Variants in POU1F1 observed in about 807,000 individuals in gnomAD.
POU1F1 encodes POU class 1 homeobox 1.
POU1F1 carries 23 observed loss-of-function variants against 32.3 expected under a neutral mutation model. The ratio of observed to expected loss-of-function variants is 0.71; its 90% CI spans 0.51 to 1.01. The LOEUF is 1.01. POU1F1 is among the 50% of genes least tolerant of loss of function. The pLI, the probability that POU1F1 is intolerant of heterozygous loss-of-function variation, is 0.00. For missense variants in POU1F1, 323 were observed against 341.6 expected (o/e 0.95, Z 0.43); for synonymous variants, 120 against 115.6 (o/e 1.04, Z -0.25).
chr3:87,272,190 A>G (rs1706739776), intron 2 of POU1F1, among the ~76,000 whole-genome samples: 1 of 152,010 alleles, frequency 6.6e-6, no homozygotes, highest in Non-Finnish European at 1.5e-5. Context: ...TATCACACAC[A>G]TACACACACA....
Position 87,276,458 on chromosome 3 carries a change from C to G in POU1F1, c.5G>C (p.Ser2Thr). M[S>T]CQAFTSADTF... ...ATCAGCCGAAGTAAAAGCTTGGCAA[C>G]TCATTCCCACAAGAGAGTAGAAAAA... The change falls in exon 1 of 6, where the codon AGT (serine) becomes ACT (threonine). Residue 2 changes from serine to threonine, a missense_variant. Physicochemically the swap from Ser to Thr is moderately conservative, Grantham distance 58. Coordinates refer to ENST00000350375, the MANE Select transcript of POU1F1 (RefSeq NM_000306.4). 6.2e-7 allele frequency: 1 copy of G among 1,613,668 alleles called. No homozygotes were observed. Among genetic ancestry groups the G allele is most frequent in the Non-Finnish European group, 8.5e-7 (1 of 1,179,756 alleles).
rs1248905738 is a variant in POU1F1, at chr3:87,268,869, G to T, written c.215-4357C>A. On this transcript the variant is annotated intron_variant, in intron 2 of 5. Transcript: ENST00000350375. The stretch of plus-strand genomic sequence containing the variant: ...GTGTGACAGAGGAGAGAGAAGAACA[G>T]AGGTAAATCTTTTAAAGCAGGCAAT... 3.9e-5 allele frequency among the ~76,000 whole-genome samples: 6 copies of T among 152,292 alleles called. No individual in the cohort carries two copies. The East Asian group carries it at 1.2e-3, about 29-fold the overall frequency.
intron 2 of POU1F1, among the ~76,000 whole-genome samples, chr3:87,264,832 A>G (rs547385469): frequency 1.6e-4 from 24 of 152,268 alleles, no homozygotes; most frequent in African/African-American, 5.8e-4. Context: ...TTTCTCTTAA[A>G]TGACACCTAT....
At chr3:87,266,131 T>C (rs898158581) in intron 2 of POU1F1, among the ~76,000 whole-genome samples, 1 of 149,574 alleles carries the variant, frequency 6.7e-6, no homozygotes, top group African/African-American at 2.4e-5. Context: ...AATATATCAA[T>C]ATATAATGAG....
At chr3:87,268,113 C>T (rs370523337) in intron 2 of POU1F1, among the ~76,000 whole-genome samples, 17 of 124,124 alleles carry the variant, frequency 1.4e-4, no homozygotes, top group African/African-American at 4.4e-4. Flanking sequence ...TTTGACACAG[C>T]GTCTCGCTCT....
chr3:87,262,928 T>A (rs1001703109), intron 3 of POU1F1, among the ~76,000 whole-genome samples: 16 of 152,244 alleles, frequency 1.1e-4, no homozygotes, highest in African/African-American at 3.8e-4. Context: ...AAAATGAATT[T>A]CACAAAGATT....
intron 1 of POU1F1, among the ~76,000 whole-genome samples, chr3:87,273,765 T>C (rs1706771816): frequency 2.0e-5 from 3 of 152,150 alleles, no homozygotes; most frequent in African/African-American, 7.2e-5. Context: ...CCTTGGCCCT[T>C]TGGGAGTTGC....
At position 87,276,578 on chromosome 3, in the gene POU1F1, A is replaced by G; in HGVS notation, c.-116T>C. On this transcript the variant is annotated 5_prime_UTR_variant, in exon 1 of 6. Coordinates refer to ENST00000350375, the MANE Select transcript of POU1F1 (RefSeq NM_000306.4). ...CACTACCTGCATATATACATCAGGA[A>G]GGCTCTGAGGCACCAGGAGGGTGCG... The G allele has an allele frequency of 8.2e-7, 1 of 1,226,688 alleles. No individual in the cohort carries two copies. Among genetic ancestry groups the G allele is most frequent in the Non-Finnish European group, 1.2e-6 (1 of 860,262 alleles). The allele number at this position is 1,226,688 out of a possible 1,614,324, so 76.0% of individuals were successfully genotyped here. A position where few individuals can be genotyped will look rare whatever the true frequency, so the allele number is the denominator to read the frequency against.
chr3:87,273,396 A>C lies in POU1F1; in HGVS notation c.165T>G (p.Val55=). Residue 55 remains valine, a synonymous_variant, in exon 2 of 6, where the codon GTT becomes GTG. Coordinates refer to ENST00000350375, the MANE Select transcript of POU1F1 (RefSeq NM_000306.4). ...GCTGGTTTCCATAATGACAGGAAGG[A>C]ACAGAATAATGAAGTCCTGTTGCTG... The part of the protein sequence containing the change: ...MSTATGLHYS[V]PSCHYGNQPS... 1 of 1,612,942 alleles carries C rather than the reference A, an allele frequency of 6.2e-7. No individual in the cohort carries two copies. Among genetic ancestry groups the C allele is most frequent in the Non-Finnish European group, 8.5e-7 (1 of 1,179,172 alleles).
intron 2 of POU1F1, among the ~76,000 whole-genome samples, chr3:87,265,834 G>C (rs7433116): frequency 0.83 from 126,718 of 151,760 alleles, 54,813 homozygotes; most frequent in Non-Finnish European, 0.94. Context: ...CTTGAGCATC[G>C]AAAGATTTTG....
At chr3:87,264,546 C>T (rs1706580909) in intron 2 of POU1F1, 34 bp from the exon 3 acceptor site, 1 of 1,474,446 alleles carries the variant, frequency 6.8e-7, no homozygotes, top group East Asian at 2.3e-5. Flanking sequence ...ATGAAAAAGA[C>T]CATTTGTCAT....
At chr3:87,263,888 A>G (rs920183785) in intron 3 of POU1F1, among the ~76,000 whole-genome samples, 2 of 152,004 alleles carry the variant, frequency 1.3e-5, no homozygotes, top group African/African-American at 2.4e-5. Flanking sequence ...TATATCCATG[A>G]GATATCATTG....
intron 2 of POU1F1, among the ~76,000 whole-genome samples, chr3:87,269,455 A>C (rs907356012): frequency 6.6e-6 from 1 of 152,180 alleles, no homozygotes; most frequent in Non-Finnish European, 1.5e-5. Flanking sequence ...GAAGCAAAAG[A>C]TCTTCAGAAT....
chr3:87,273,621 G>T, intron 1 of POU1F1: 1 of 911,912 alleles, frequency 1.1e-6, no homozygotes, highest in Middle Eastern at 2.5e-4. Flanking sequence ...CTGACGAGTA[G>T]GTTAAAACTA....
chr3:87,265,145 TGAG>T (rs1443004920), intron 2 of POU1F1, among the ~76,000 whole-genome samples: 2 of 152,042 alleles, frequency 1.3e-5, no homozygotes, highest in Non-Finnish European at 2.9e-5. Context: ...TAAATAGGCT[TGAG>T]GAGTGATTAA....
intron 1 of POU1F1, 85 bp downstream of exon 1, chr3:87,276,236 A>G (rs554442698): frequency 1.3e-6 from 2 of 1,502,762 alleles, no homozygotes; most frequent in Non-Finnish European, 1.9e-6. Flanking sequence ...AAAGATGCAA[A>G]GAGATTATTA....
intron 4 of POU1F1, 121 bp downstream of exon 4, chr3:87,261,950 C>T: frequency 8.5e-7 from 1 of 1,181,890 alleles, no homozygotes; most frequent in Non-Finnish European, 1.2e-6. Context: ...TATTTTTCAT[C>T]TCAAAGAGAA....
chr3:87,276,023 T>G (rs1220243315), intron 1 of POU1F1, among the ~76,000 whole-genome samples: 2 of 152,172 alleles, frequency 1.3e-5, no homozygotes, highest in Non-Finnish European at 2.9e-5. Flanking sequence ...ATATTTCCAT[T>G]AAAAAGGTTT....
intron 2 of POU1F1, among the ~76,000 whole-genome samples, chr3:87,267,569 T>A (rs1315129907): frequency 6.6e-6 from 1 of 151,044 alleles, no homozygotes; most frequent in African/African-American, 2.4e-5. Flanking sequence ...AAGTGTGTCA[T>A]CCCTGTTTCC....
Sources: gnomAD v4.1 joint callset for allele counts (sites outside exome capture counted in the v4.1 genomes callset) on GRCh38, gnomAD v4.1.1 for gene constraint, MANE v1.5 for transcripts, NCBI Gene and HGNC (gene_info 2026-07-23, HGNC 2026-07-21) for gene names.